HS6ST3: variants seen among roughly 807,000 people sequenced by gnomAD.
HS6ST3 encodes the protein heparan-sulfate 6-O-sulfotransferase 3.
Under a neutral mutation model 36.7 loss-of-function variants are expected in HS6ST3, and 12 were observed. The observed-to-expected ratio is 0.33, with a 90% confidence interval of 0.21 to 0.53. The LOEUF (loss-of-function observed/expected upper bound fraction) is 0.53. HS6ST3 is among the 20% of genes least tolerant of loss of function. The probability of loss-of-function intolerance (pLI) is 0.95; values close to 1 mark genes in which losing one functional copy is unlikely to be tolerated. For missense variants in HS6ST3, 584 were observed against 640.9 expected (o/e 0.91, Z 0.96); for synonymous variants, 240 against 257.5 (o/e 0.93, Z 0.65).
intron 1 of HS6ST3, among the ~76,000 whole-genome samples, chr13:96,235,960 G>A (rs2054532726): frequency 6.6e-6 from 1 of 152,150 alleles, no homozygotes; most frequent in Admixed American, 6.5e-5. Context: ...GCCAATCCAA[G>A]CCCCAAAACC....
At chr13:96,202,805 G>A (rs2054349519) in intron 1 of HS6ST3, among the ~76,000 whole-genome samples, 1 of 152,180 alleles carries the variant, frequency 6.6e-6, no homozygotes, top group South Asian at 2.1e-4. Flanking sequence ...CAGGTTCACA[G>A]AATGGAAAGT....
intron 1 of HS6ST3, among the ~76,000 whole-genome samples, chr13:96,284,887 G>A (rs7337860): frequency 0.5 from 75,034 of 149,956 alleles, 19,009 homozygotes; most frequent in Middle Eastern, 0.6. Context: ...ATATCTTAGG[G>A]CTTTAAGATT....
chr13:96,565,032 T>G (rs1222551688), intron 1 of HS6ST3, among the ~76,000 whole-genome samples: 1 of 152,018 alleles, frequency 6.6e-6, no homozygotes, highest in Non-Finnish European at 1.5e-5. Flanking sequence ...CTTGCATATG[T>G]GAGAGTGAGG....
intron 1 of HS6ST3, among the ~76,000 whole-genome samples, chr13:96,776,626 C>T (rs773436147): frequency 1.2e-4 from 18 of 152,230 alleles, no homozygotes; most frequent in Non-Finnish European, 2.1e-4. Context: ...CATAGACCCT[C>T]GCAAGACTAA....
chr13:96,149,293 T>C (rs1010276264), intron 1 of HS6ST3, among the ~76,000 whole-genome samples: 8 of 152,220 alleles, frequency 5.3e-5, no homozygotes, highest in Non-Finnish European at 7.3e-5. Context: ...TGCTTCGTTA[T>C]GCTGTGTGTC....
intron 1 of HS6ST3, among the ~76,000 whole-genome samples, chr13:96,405,567 A>G (rs994692838): frequency 2.0e-5 from 3 of 152,214 alleles, no homozygotes; most frequent in African/African-American, 7.2e-5. Flanking sequence ...TGACATGAGT[A>G]CTGAATAATT....
At position 96,833,663 on chromosome 13, in the gene HS6ST3, C is replaced by T. The variant is rs1044336850; in HGVS notation, c.*465C>T. ...AGAGAAAGAGAAAAACATTTCAGCCCTTAGATGAGGTCTTACACCAACCCC... is the reference window on the plus strand; with the variant it reads ...AGAGAAAGAGAAAAACATTTCAGCCTTTAGATGAGGTCTTACACCAACCCC... On this transcript the variant is annotated 3_prime_UTR_variant, in exon 2 of 2. Transcript: ENST00000376705. 6.4e-6 allele frequency: 1 copy of T among 156,850 alleles called. No individual in the cohort carries two copies. Among genetic ancestry groups the T allele is most frequent in the Admixed American group, 6.2e-5 (1 of 16,212 alleles). 9.7% of individuals were successfully genotyped at this position (156,850 alleles called of 1,614,324 possible).
intron 1 of HS6ST3, among the ~76,000 whole-genome samples, chr13:96,544,908 ATTGC>A (rs2056192186): frequency 6.6e-6 from 1 of 152,196 alleles, no homozygotes; most frequent in African/African-American, 2.4e-5. Flanking sequence ...TCACAAATGT[ATTGC>A]TTTAAAATGA....
intron 1 of HS6ST3, among the ~76,000 whole-genome samples, chr13:96,451,228 A>G (rs2089711211): frequency 1.3e-5 from 2 of 152,028 alleles, no homozygotes; most frequent in South Asian, 2.1e-4. Flanking sequence ...CTATTTTTCT[A>G]CTATTGAAAT....
chr13:96,751,594 A>T (rs867279956), intron 1 of HS6ST3, among the ~76,000 whole-genome samples: 3 of 152,166 alleles, frequency 2.0e-5, no homozygotes, highest in Non-Finnish European at 4.4e-5. Context: ...CAATATAGAC[A>T]GACAGGAATT....
intron 1 of HS6ST3, among the ~76,000 whole-genome samples, chr13:96,806,372 T>C (rs1026732708): frequency 6.6e-6 from 1 of 152,208 alleles, no homozygotes; most frequent in Admixed American, 6.5e-5. Context: ...ACTGAACATA[T>C]GACCTAGTAA....
At chr13:96,390,209 A>T (rs908059000) in intron 1 of HS6ST3, among the ~76,000 whole-genome samples, 3 of 152,246 alleles carry the variant, frequency 2.0e-5, no homozygotes, top group Non-Finnish European at 4.4e-5. Context: ...CCATAGCATG[A>T]ATTCAATGAT....
intron 1 of HS6ST3, among the ~76,000 whole-genome samples, chr13:96,752,338 G>T (rs955802092): frequency 6.6e-6 from 1 of 151,996 alleles, no homozygotes; most frequent in African/African-American, 2.4e-5. Flanking sequence ...TAATGGGCTT[G>T]CACATTCTCG....
chr13:96,387,164 A>G (rs1197472727), intron 1 of HS6ST3, among the ~76,000 whole-genome samples: 2 of 152,180 alleles, frequency 1.3e-5, no homozygotes, highest in African/African-American at 4.8e-5. Context: ...TATAGCTAAT[A>G]TATTAATATA....
At chr13:96,421,615 GC>G (rs2055562800) in intron 1 of HS6ST3, among the ~76,000 whole-genome samples, 1 of 151,928 alleles carries the variant, frequency 6.6e-6, no homozygotes, top group African/African-American at 2.4e-5. Context: ...CTGCCTAGAG[GC>G]CCTGTGTGCT....
intron 1 of HS6ST3, among the ~76,000 whole-genome samples, chr13:96,497,007 G>A (rs1478747190): frequency 6.6e-6 from 1 of 152,134 alleles, no homozygotes; most frequent in East Asian, 1.9e-4. Context: ...TGTCTGGTGG[G>A]AATACCCAAG....
At chr13:96,499,607 G>A (rs1266402185) in intron 1 of HS6ST3, among the ~76,000 whole-genome samples, 2 of 152,158 alleles carry the variant, frequency 1.3e-5, no homozygotes, top group African/African-American at 2.4e-5. Flanking sequence ...CGACATGTGA[G>A]GCAAGATGTG....
intron 1 of HS6ST3, among the ~76,000 whole-genome samples, chr13:96,487,550 G>C (rs1050902275): frequency 1.1e-4 from 16 of 151,976 alleles, no homozygotes; most frequent in Admixed American, 2.0e-4. Context: ...ATTGCTTTTT[G>C]GTAATCTCAG....
chr13:96,489,025 A>G (rs981582823), intron 1 of HS6ST3, among the ~76,000 whole-genome samples: 5 of 152,078 alleles, frequency 3.3e-5, no homozygotes, highest in African/African-American at 1.2e-4. Flanking sequence ...GAAGATTAAT[A>G]ATACATGTGA....
Sources: gnomAD v4.1 joint callset for allele counts (sites outside exome capture counted in the v4.1 genomes callset) on GRCh38, gnomAD v4.1.1 for gene constraint, MANE v1.5 for transcripts, NCBI Gene and HGNC (gene_info 2026-07-23, HGNC 2026-07-21) for gene names.